FNTB: variants seen among roughly 807,000 people sequenced by gnomAD.
FNTB encodes the protein protein farnesyltransferase subunit beta.
In FNTB, 27 loss-of-function variants were observed where a neutral mutation model predicts 59.4. The observed-to-expected ratio is 0.45, with a 90% CI of 0.34 to 0.63. The LOEUF (loss-of-function observed/expected upper bound fraction) is 0.63. Among genes scored for constraint, FNTB ranks in the 20% least tolerant of loss-of-function variants. The pLI is 0.02. For missense variants in FNTB, 449 were observed against 559.6 expected (o/e 0.80, Z 1.99); for synonymous variants, 230 against 220.7 (o/e 1.04, Z -0.37).
rs1370517269 is a variant in FNTB at position 64,994,491 on chromosome 14, AT to A, written c.144+7395del. On this transcript the variant is annotated intron_variant, in intron 1 of 11. Transcript: ENST00000246166. This position sits in a 1 kb window ranked among gnomAD's most constrained non-coding sequence, Gnocchi z 4.2. ...CTACTACACACCTAGGCTATATGGT[AT>A]AGCTTGTTGCTCCTAGGCTACAGGC... is the stretch of plus-strand genomic sequence containing the variant. Among the ~76,000 whole-genome samples, 1 of 152,266 alleles carries A rather than the reference AT, an allele frequency of 6.6e-6. No homozygotes were observed. The highest frequency in any genetic ancestry group is 2.4e-5 in the African/African-American group (1 of 41,472).
intron 1 of FNTB, among the ~76,000 whole-genome samples, chr14:65,002,549 C>T (rs1032280508): frequency 7.2e-5 from 11 of 152,096 alleles, no homozygotes; most frequent in Admixed American, 3.9e-4. Context: ...GTGGAGGTTG[C>T]GGTGAGCCGA....
At chr14:65,043,042 T>G (rs1223953291) in intron 8 of FNTB, among the ~76,000 whole-genome samples, 1 of 152,224 alleles carries the variant, frequency 6.6e-6, no homozygotes, top group Admixed American at 6.5e-5. Context: ...CCCACTTCCA[T>G]CAAGGGTCCC....
At chr14:65,005,461 C>CTT (rs767462240) in intron 2 of FNTB, among the ~76,000 whole-genome samples, 91 of 111,900 alleles carry the variant, frequency 8.1e-4, no homozygotes, top group Middle Eastern at 7.8e-3. Context: ...TTCTTTCTTT[C>CTT]TTTCTTTCTT....
rs1259205090 is a variant in FNTB at position 64,997,717 on chromosome 14, A to G, written c.145-6532A>G. ...CCCGGAATGGGGAGGTGACCGGGAA[A>G]AGCACAGTAAACAAGGATAAGGTTT... On this transcript the variant is annotated intron_variant, in intron 1 of 11. Transcript: ENST00000246166. The surrounding 1 kb of genome is among the most constrained non-coding windows in gnomAD (Gnocchi z 4.5). 2.6e-5 allele frequency among the ~76,000 whole-genome samples: 4 copies of G among 152,224 alleles called. No individual in the cohort carries two copies. Among genetic ancestry groups the G allele is most frequent in the Non-Finnish European group, 5.9e-5 (4 of 68,048 alleles).
rs1474379394 is a variant in FNTB, at chr14:65,029,079, G to A, written c.605+1298G>A. On this transcript the variant is annotated intron_variant, in intron 6 of 11. Transcript: ENST00000246166. The surrounding 1 kb of genome is among the most constrained non-coding windows in gnomAD (Gnocchi z 4.7). Reference sequence around the variant, plus strand: ...AATGCTAGGAAACTTCTCCAGTAAGGCAGCTTGGTTCCCCTGCCAAGCACT... The same window carrying A: ...AATGCTAGGAAACTTCTCCAGTAAGACAGCTTGGTTCCCCTGCCAAGCACT... 6.6e-6 allele frequency among the ~76,000 whole-genome samples: 1 copy of A among 151,986 alleles called. No homozygotes were observed. Among genetic ancestry groups the A allele is most frequent in the East Asian group, 1.9e-4 (1 of 5,194 alleles).
In FNTB at chr14:65,029,570, A is replaced by G. The variant is rs943701939; in HGVS notation, c.605+1789A>G. Among the ~76,000 whole-genome samples the G allele has an allele frequency of 2.6e-5, 4 of 152,358 alleles. No homozygotes were observed. The East Asian group carries it at 7.7e-4, about 29-fold the overall frequency. ...CACTATTTTTTCTCAGTTCTTAAGA[A>G]AGGAGACCTCCTTTCTAGGTTATAT... On this transcript the variant is annotated intron_variant, in intron 6 of 11. Transcript: ENST00000246166. The surrounding 1 kb of genome is among the most constrained non-coding windows in gnomAD (Gnocchi z 4.7).
intron 10 of FNTB, among the ~76,000 whole-genome samples, chr14:65,053,613 CTCT>C (rs1482505810): frequency 2.5e-5 from 3 of 119,934 alleles, no homozygotes; most frequent in South Asian, 2.4e-4. Context: ...GGGTAGATAA[CTCT>C]TCTTTTTTTT....
chr14:65,041,491 A>G (rs2062351973), intron 8 of FNTB, among the ~76,000 whole-genome samples: 1 of 152,132 alleles, frequency 6.6e-6, no homozygotes, highest in South Asian at 2.1e-4. Context: ...GTGCACAAAC[A>G]CACACACCTC....
In FNTB at chr14:64,991,982, G is replaced by A. The variant is rs1888218289; in HGVS notation, c.144+4885G>A. On this transcript the variant is annotated intron_variant, in intron 1 of 11. Coordinates refer to ENST00000246166, the MANE Select transcript of FNTB (RefSeq NM_002028.4). This position sits in a 1 kb window ranked among gnomAD's most constrained non-coding sequence, Gnocchi z 4.4. ...AGTGGGCCACCACATATCCTAAGGA[G>A]GGACCAGCGGAACAGAATCCTGACC... Among the ~76,000 whole-genome samples the A allele has an allele frequency of 6.6e-6, 1 of 152,172 alleles. No individual in the cohort carries two copies. Among genetic ancestry groups the A allele is most frequent in the Non-Finnish European group, 1.5e-5 (1 of 68,030 alleles).
At chr14:64,993,911 A>G (rs1046947832) in intron 1 of FNTB, among the ~76,000 whole-genome samples, 12 of 149,450 alleles carry the variant, frequency 8.0e-5, no homozygotes, top group Admixed American at 5.4e-4. Context: ...GCTGGAGTGC[A>G]GTGGTGCGAT....
Position 65,054,714 on chromosome 14 carries a change from C to T in FNTB, c.1182+25C>T, listed in dbSNP as rs747276105. ...GGTAAGACGGGTGCAGGGCTTCACACCCCTTCTCCACAGGGACCTCGCGGA... is the reference window on the plus strand; with the variant it reads ...GGTAAGACGGGTGCAGGGCTTCACATCCCTTCTCCACAGGGACCTCGCGGA... On this transcript the variant is annotated intron_variant, in intron 11 of 11. Transcript: ENST00000246166. This position sits in a 1 kb window ranked among gnomAD's most constrained non-coding sequence, Gnocchi z 4.4. 1 of 1,585,848 alleles carries T rather than the reference C, an allele frequency of 6.3e-7. No homozygotes were observed. The highest frequency in any genetic ancestry group is 1.3e-5 in the African/African-American group (1 of 74,102).
At chr14:64,989,183 G>A (rs1888080727) in intron 1 of FNTB, among the ~76,000 whole-genome samples, 4 of 149,726 alleles carry the variant, frequency 2.7e-5, no homozygotes, top group African/African-American at 9.9e-5. Flanking sequence ...GCTGACACCT[G>A]TAATCCCAGC....
At chr14:65,040,450 C>T (rs1458759436) in intron 7 of FNTB, among the ~76,000 whole-genome samples, 3 of 151,634 alleles carry the variant, frequency 2.0e-5, no homozygotes, top group African/African-American at 7.3e-5. Context: ...ATTATACTTA[C>T]ATTTTTTGGA....
intron 11 of FNTB, among the ~76,000 whole-genome samples, chr14:65,055,505 T>A (rs8011585): frequency 0.49 from 74,508 of 151,422 alleles, 20,634 homozygotes; most frequent in African/African-American, 0.77. Context: ...TTTAAAAAAA[T>A]TTTTTTTTTA....
chr14:65,024,593 C>T (rs2061946981), intron 4 of FNTB, among the ~76,000 whole-genome samples: 1 of 152,146 alleles, frequency 6.6e-6, no homozygotes, highest in African/African-American at 2.4e-5. Flanking sequence ...AATGAAATGC[C>T]TTGCTGACGT....
intron 1 of FNTB, among the ~76,000 whole-genome samples, chr14:65,003,078 C>T (rs755968292): frequency 2.0e-5 from 3 of 152,154 alleles, no homozygotes; most frequent in South Asian, 2.1e-4. Context: ...GAACCCAGCA[C>T]GCAATTTTTG....
At chr14:65,016,803 G>A (rs2061781695) in intron 4 of FNTB, among the ~76,000 whole-genome samples, 1 of 152,114 alleles carries the variant, frequency 6.6e-6, no homozygotes, top group African/African-American at 2.4e-5. Flanking sequence ...AGAGGCAAGT[G>A]CATTGTTTTG....
intron 7 of FNTB, among the ~76,000 whole-genome samples, chr14:65,038,755 T>A (rs2062274061): frequency 6.6e-6 from 1 of 152,194 alleles, no homozygotes; most frequent in African/African-American, 2.4e-5. Flanking sequence ...TTTCATTGCA[T>A]GGTTCGTTTC....
At chr14:64,993,337 T>G (rs1165266535) in intron 1 of FNTB, among the ~76,000 whole-genome samples, 1 of 152,216 alleles carries the variant, frequency 6.6e-6, no homozygotes, top group Non-Finnish European at 1.5e-5. Flanking sequence ...AAGTGTGAGT[T>G]TATATCTCCA....
Sources: gnomAD v4.1 joint callset for allele counts (sites outside exome capture counted in the v4.1 genomes callset) on GRCh38, gnomAD v4.1.1 for gene constraint, Gnocchi (gnomAD v3.1) non-coding constraint, MANE v1.5 for transcripts, NCBI Gene and HGNC (gene_info 2026-07-23, HGNC 2026-07-21) for gene names.